The following NEDD4L variants were observed in gnomAD, a reference collection of about 807,000 sequenced individuals.
NEDD4L encodes E3 ubiquitin-protein ligase NEDD4-like.
In NEDD4L, 54 loss-of-function variants were observed where a neutral mutation model predicts 148.9. That is an observed-to-expected ratio of 0.36 (90% CI 0.29 to 0.45). The LOEUF (loss-of-function observed/expected upper bound fraction) is 0.45, where lower values mean the gene tolerates loss of function less well. Ranked by LOEUF, NEDD4L falls within the 20% of genes least tolerant of loss-of-function variation. The probability of loss-of-function intolerance (pLI) is 1.00; values close to 1 mark genes in which losing one functional copy is unlikely to be tolerated. For missense variants in NEDD4L, 856 were observed against 1,233.8 expected, an observed-to-expected ratio of 0.69 and a Z score of 4.59; for synonymous variants, 433 against 440.7, an observed-to-expected ratio of 0.98 and a Z score of 0.22.
At chr18:58,225,535 A>C (rs1005286056) in intron 2 of NEDD4L, among the ~76,000 whole-genome samples, 56 of 152,270 alleles carry the variant, frequency 3.7e-4, no homozygotes, top group African/African-American at 1.3e-3. Flanking sequence ...GAAAGGGGAG[A>C]AGTGTGGGCA....
At chr18:58,075,297 C>T (rs985652895) in intron 1 of NEDD4L, among the ~76,000 whole-genome samples, 1 of 152,048 alleles carries the variant, frequency 6.6e-6, no homozygotes, top group African/African-American at 2.4e-5. Context: ...ATTACAGGCG[C>T]ACACCACCAT....
At chr18:58,368,004 G>T in intron 22 of NEDD4L, 137 bp downstream of exon 22, 1 of 936,978 alleles carries the variant, frequency 1.1e-6, no homozygotes, top group Non-Finnish European at 1.6e-6. Flanking sequence ...TGCCCATAAT[G>T]GATGTCCTTT....
Position 58,357,182 on chromosome 18 carries a change from T to TTA in NEDD4L, c.1709-12_1709-11insTA. On this transcript the variant is annotated splice_polypyrimidine_tract_variant and intron_variant, in intron 18 of 30. Transcript: ENST00000400345. ...TGTTCTGATTTTTTTTTTTTTTTTT[T>TTA]AACATTTTCAGATAGCAAAATTACT... The TTA allele has an allele frequency of 6.6e-7, 1 of 1,515,808 alleles. No individual in the cohort carries two copies. Among genetic ancestry groups the TTA allele is most frequent in the Non-Finnish European group, 9.0e-7 (1 of 1,113,922 alleles). 93.9% of individuals were successfully genotyped at this position (1,515,808 alleles called of 1,614,324 possible).
chr18:58,252,175 G>A, intron 5 of NEDD4L, 121 bp downstream of exon 5: 1 of 701,398 alleles, frequency 1.4e-6, no homozygotes, highest in Non-Finnish European at 2.5e-6. Context: ...CCAAAAAGAA[G>A]ACTGTTTTTG....
chr18:58,048,566 A>G (rs954318140), intron 1 of NEDD4L, among the ~76,000 whole-genome samples: 3 of 152,212 alleles, frequency 2.0e-5, no homozygotes, highest in Non-Finnish European at 4.4e-5. Flanking sequence ...CATGCTGAAT[A>G]TCCTCCCCTT....
rs555663509 is a variant in NEDD4L at position 58,156,598 on chromosome 18, C to A, written c.49-9190C>A. On this transcript the variant is annotated intron_variant, in intron 1 of 30. Transcript: ENST00000400345. ...GCTATCTGGTTCATTATCCTACCCCCCACCGCCTCCCACGCCCCACATTTC... is the reference window on the plus strand; with the variant it reads ...GCTATCTGGTTCATTATCCTACCCCACACCGCCTCCCACGCCCCACATTTC... Among the ~76,000 whole-genome samples the A allele has an allele frequency of 2.6e-5, 4 of 152,274 alleles. No homozygotes were observed. The South Asian group carries it at 8.3e-4, about 32-fold the overall frequency.
chr18:58,044,280 G>C lies in NEDD4L; in HGVS notation c.-381G>C. 6.6e-6 allele frequency: 1 copy of C among 150,906 alleles called. No homozygotes were observed. Among genetic ancestry groups the C allele is most frequent in the Non-Finnish European group, 1.5e-5 (1 of 67,738 alleles). 9.3% of individuals were successfully genotyped at this position (150,906 alleles called of 1,614,324 possible). A position where few individuals can be genotyped will look rare whatever the true frequency, so the allele number is the denominator to read the frequency against. Reference sequence around the variant, plus strand: ...GGAGGCGGGCGAGCCGGGTCCCCGGGAGCGCAGAGGAGGCTCGGAGGGGGG... The same window carrying C: ...GGAGGCGGGCGAGCCGGGTCCCCGGCAGCGCAGAGGAGGCTCGGAGGGGGG... On this transcript the variant is annotated 5_prime_UTR_variant, in exon 1 of 31. Coordinates refer to ENST00000400345, the MANE Select transcript of NEDD4L (RefSeq NM_001144967.3).
intron 2 of NEDD4L, among the ~76,000 whole-genome samples, chr18:58,202,536 G>A (rs1388876995): frequency 2.0e-5 from 3 of 152,252 alleles, no homozygotes; most frequent in African/African-American, 7.2e-5. Flanking sequence ...CTCCAGAGGA[G>A]CATGCAACAG....
chr18:58,307,458 A>C (rs1212406641), intron 5 of NEDD4L, among the ~76,000 whole-genome samples: 1 of 152,232 alleles, frequency 6.6e-6, no homozygotes, highest in Non-Finnish European at 1.5e-5. Flanking sequence ...CCTGCAGCAG[A>C]TCTAACTAGA....
chr18:58,123,149 T>C (rs2030301148), intron 1 of NEDD4L, among the ~76,000 whole-genome samples: 1 of 152,194 alleles, frequency 6.6e-6, no homozygotes, highest in South Asian at 2.1e-4. Flanking sequence ...CTTCTCTTTC[T>C]AATGGAAGCC....
At chr18:58,260,080 G>A (rs558707355) in intron 5 of NEDD4L, among the ~76,000 whole-genome samples, 3 of 152,144 alleles carry the variant, frequency 2.0e-5, no homozygotes, top group South Asian at 2.1e-4. Context: ...CACAGGAGGC[G>A]AAGGTGGGAG....
At chr18:58,143,184 C>CA (rs2033738325) in intron 1 of NEDD4L, among the ~76,000 whole-genome samples, 1 of 152,208 alleles carries the variant, frequency 6.6e-6, no homozygotes, top group South Asian at 2.1e-4. Context: ...AGATAGACAA[C>CA]AAGGGGAATG....
chr18:58,220,060 C>G (rs919823787), intron 2 of NEDD4L, among the ~76,000 whole-genome samples: 8 of 152,164 alleles, frequency 5.3e-5, no homozygotes, highest in African/African-American at 1.9e-4. Flanking sequence ...TATTCAGCAA[C>G]TTGTGTATCC....
chr18:58,227,903 A>G, intron 2 of NEDD4L: 1 of 968,828 alleles, frequency 1.0e-6, no homozygotes, highest in Non-Finnish European at 1.2e-6. Context: ...GTCTGATAAT[A>G]GCAAGTAAGG....
intron 1 of NEDD4L, among the ~76,000 whole-genome samples, chr18:58,069,047 A>T (rs1229955065): frequency 6.6e-6 from 1 of 151,732 alleles, no homozygotes; most frequent in Non-Finnish European, 1.5e-5. Flanking sequence ...GAGGCACAAG[A>T]ATCGCTTGAA....
At chr18:58,367,525 C>G (rs2046281853) in intron 21 of NEDD4L, among the ~76,000 whole-genome samples, 1 of 152,172 alleles carries the variant, frequency 6.6e-6, no homozygotes, top group Non-Finnish European at 1.5e-5. Flanking sequence ...ACATCAGCGT[C>G]TCTTATGGTT....
At chr18:58,233,173 C>T (rs1469279270) in intron 2 of NEDD4L, among the ~76,000 whole-genome samples, 1 of 152,158 alleles carries the variant, frequency 6.6e-6, no homozygotes, top group East Asian at 1.9e-4. Flanking sequence ...GGGCCCTGCC[C>T]CATCCCCTAC....
intron 2 of NEDD4L, among the ~76,000 whole-genome samples, chr18:58,191,062 G>T (rs1360369310): frequency 7.1e-6 from 1 of 140,294 alleles, no homozygotes; most frequent in Admixed American, 6.8e-5. Context: ...AGTGAGTCAT[G>T]AATACACCAC....
rs115920037 is a variant in NEDD4L at position 58,287,638 on chromosome 18, A to G, written c.298-28344A>G. Among the ~76,000 whole-genome samples the G allele has an allele frequency of 5.7e-3, 867 of 152,338 alleles. 8 individuals are homozygous for G. The highest frequency in any genetic ancestry group is 0.02 in the African/African-American group (819 of 41,570). On this transcript the variant is annotated intron_variant, in intron 5 of 30. Transcript: ENST00000400345. Reference sequence around the variant, plus strand: ...CCTTTTCTGTGTAAATATTCCTGCAATATGCGGTCTTACAGAGGTCTTATC... The same window carrying G: ...CCTTTTCTGTGTAAATATTCCTGCAGTATGCGGTCTTACAGAGGTCTTATC...
Sources: allele counts gnomAD v4.1 joint callset (sites outside exome capture counted in the v4.1 genomes callset), GRCh38; gene constraint gnomAD v4.1.1; transcripts MANE v1.5; gene names NCBI Gene and HGNC (gene_info 2026-07-23, HGNC 2026-07-21).